The following NRG3 variants were observed in gnomAD, a reference collection of about 807,000 sequenced individuals.
NRG3 encodes the protein neuregulin 3, also known as pro-neuregulin-3, membrane-bound isoform.
NRG3 carries 31 observed loss-of-function variants against 66.9 expected under a neutral mutation model. The ratio of observed to expected loss-of-function variants is 0.46; its 90% confidence interval spans 0.35 to 0.63. NRG3 has a LOEUF of 0.63. Among genes scored for constraint, NRG3 ranks in the 20% least tolerant of loss-of-function variants. NRG3 has a pLI of 0.00. For synonymous variants in NRG3, 393 were observed against 359.4 expected (o/e 1.09, Z -1.06); for missense variants, 910 against 878.9 (o/e 1.04, Z -0.45).
At chr10:82,469,955 C>A (rs574384753) in intron 2 of NRG3, among the ~76,000 whole-genome samples, 1 of 152,240 alleles carries the variant, frequency 6.6e-6, no homozygotes, top group South Asian at 2.1e-4. Flanking sequence ...GCAAGCTAAT[C>A]GCTTTCATCC....
At chr10:82,812,466 G>A (rs1338922787) in intron 3 of NRG3, among the ~76,000 whole-genome samples, 1 of 152,152 alleles carries the variant, frequency 6.6e-6, no homozygotes, top group Admixed American at 6.5e-5. Context: ...GTTAAGCCTA[G>A]TTATTTTTCA....
chr10:82,093,827 G>A (rs1215950819), intron 1 of NRG3, among the ~76,000 whole-genome samples: 1 of 152,124 alleles, frequency 6.6e-6, no homozygotes, highest in Non-Finnish European at 1.5e-5. Context: ...GAGATAATTT[G>A]GGAGTGGAGA....
At chr10:82,643,247 G>T (rs893551110) in intron 2 of NRG3, among the ~76,000 whole-genome samples, 1 of 151,974 alleles carries the variant, frequency 6.6e-6, no homozygotes, top group Admixed American at 6.6e-5. Flanking sequence ...GGGCCAGGGG[G>T]GTGGTTTCCT....
At chr10:82,192,569 T>C (rs972156368) in intron 1 of NRG3, among the ~76,000 whole-genome samples, 25 of 152,158 alleles carry the variant, frequency 1.6e-4, no homozygotes, top group African/African-American at 5.3e-4. Context: ...GGTAAAAAAA[T>C]TCCCTGCAGT....
At chr10:82,160,498 TTTTTGTTTTG>T (rs961239763) in intron 1 of NRG3, among the ~76,000 whole-genome samples, 1 of 151,850 alleles carries the variant, frequency 6.6e-6, no homozygotes, top group Non-Finnish European at 1.5e-5. Context: ...AATTTCTTTT[TTTTTGTTTTG>T]TTTTGTTTTG....
intron 2 of NRG3, among the ~76,000 whole-genome samples, chr10:82,468,111 A>T (rs542762689): frequency 6.6e-6 from 1 of 152,342 alleles, no homozygotes; most frequent in African/African-American, 2.4e-5. Flanking sequence ...ATAGATAAGA[A>T]ACTGAGTTAA....
intron 1 of NRG3, among the ~76,000 whole-genome samples, chr10:82,223,130 T>C (rs1386814229): frequency 6.6e-6 from 1 of 152,100 alleles, no homozygotes; most frequent in African/African-American, 2.4e-5. Flanking sequence ...TCTTTCAGTG[T>C]AGATTCTTTA....
At chr10:82,041,265 G>A (rs2063023086) in intron 1 of NRG3, among the ~76,000 whole-genome samples, 1 of 152,016 alleles carries the variant, frequency 6.6e-6, no homozygotes, top group Non-Finnish European at 1.5e-5. Flanking sequence ...GGGATACTGA[G>A]CAGTGAAGGT....
At chr10:82,089,202 A>C (rs899498870) in intron 1 of NRG3, among the ~76,000 whole-genome samples, 19 of 152,156 alleles carry the variant, frequency 1.2e-4, no homozygotes, top group African/African-American at 4.6e-4. Context: ...GCATTTTGTT[A>C]TTGAAATGCT....
intron 2 of NRG3, among the ~76,000 whole-genome samples, chr10:82,501,575 C>G (rs891636052): frequency 1.3e-5 from 2 of 152,100 alleles, no homozygotes; most frequent in Non-Finnish European, 2.9e-5. Flanking sequence ...ATCTGGCTTA[C>G]TTATCTGCCA....
intron 3 of NRG3, among the ~76,000 whole-genome samples, chr10:82,758,068 C>T (rs2059150303): frequency 6.6e-6 from 1 of 151,962 alleles, no homozygotes. Context: ...GTTTGTCTTA[C>T]CCTAGTCAAA....
intron 1 of NRG3, among the ~76,000 whole-genome samples, chr10:81,935,194 G>A (rs1355818353): frequency 1.3e-5 from 2 of 152,076 alleles, no homozygotes; most frequent in Non-Finnish European, 2.9e-5. Flanking sequence ...TTTTTATGTT[G>A]TTCTTTAGAG....
intron 1 of NRG3, among the ~76,000 whole-genome samples, chr10:82,028,374 G>A (rs1462568871): frequency 3.3e-5 from 5 of 151,962 alleles, no homozygotes; most frequent in Admixed American, 3.3e-4. Context: ...TTGTTGCCTC[G>A]TTTGTTGCCT....
At chr10:82,816,354 T>G (rs1267858598) in intron 3 of NRG3, among the ~76,000 whole-genome samples, 1 of 152,202 alleles carries the variant, frequency 6.6e-6, no homozygotes, top group African/African-American at 2.4e-5. Context: ...AGACCCGAAG[T>G]GGGTAGCTCC....
In NRG3 at chr10:82,438,627, C is replaced by T. The variant is rs183311419; in HGVS notation, c.953+79759C>T. Among the ~76,000 whole-genome samples, 68 of 152,310 alleles carry T rather than the reference C, an allele frequency of 4.5e-4. No homozygotes were observed. In the East Asian group the frequency reaches 5.0e-3, roughly 11 times the overall value. ...CCAGCTGAGAGGCTGTAACAATCTGCGCTTTCTGGGGTTGGGATGCTAGGC... is the reference window on the plus strand; with the variant it reads ...CCAGCTGAGAGGCTGTAACAATCTGTGCTTTCTGGGGTTGGGATGCTAGGC... On this transcript the variant is annotated intron_variant, in intron 2 of 8. Coordinates refer to ENST00000372141, the MANE Select transcript of NRG3 (RefSeq NM_001010848.4).
At chr10:82,955,097 C>G (rs536203262) in intron 5 of NRG3, 1 of 151,800 alleles carries the variant, frequency 6.6e-6, no homozygotes, top group Non-Finnish European at 1.5e-5. Flanking sequence ...CTCTCTTGAT[C>G]ATTTATGTTC....
At chr10:82,804,371 G>A (rs2483307) in intron 3 of NRG3, among the ~76,000 whole-genome samples, 92,943 of 152,034 alleles carry the variant, frequency 0.61, 29,398 homozygotes, top group African/African-American at 0.79. Context: ...TGGCTACAAT[G>A]CATGATAAGG....
intron 1 of NRG3, among the ~76,000 whole-genome samples, chr10:82,239,153 T>C (rs1475411447): frequency 6.6e-6 from 1 of 151,940 alleles, no homozygotes; most frequent in Middle Eastern, 3.2e-3. Context: ...AGTTTAAATA[T>C]TTTTGTATTG....
intron 1 of NRG3, among the ~76,000 whole-genome samples, chr10:82,187,592 A>C (rs2133304023): frequency 6.6e-6 from 1 of 152,176 alleles, no homozygotes; most frequent in East Asian, 1.9e-4. Flanking sequence ...TTCAAACCAG[A>C]TACTGTGATT....
Sources: allele counts gnomAD v4.1 joint callset (sites outside exome capture counted in the v4.1 genomes callset), GRCh38; gene constraint gnomAD v4.1.1; transcripts MANE v1.5; gene names NCBI Gene and HGNC (gene_info 2026-07-23, HGNC 2026-07-21).